Variants in AKAP6 observed in about 807,000 individuals in gnomAD.
AKAP6 encodes A-kinase anchor protein 6.
A neutral mutation model predicts 188.5 loss-of-function variants in AKAP6; 58 were observed. The ratio of observed to expected loss-of-function variants is 0.31; its 90% CI spans 0.25 to 0.38. AKAP6 has a LOEUF of 0.38. AKAP6 is among the 10% of genes least tolerant of loss of function. The pLI is 1.00. For synonymous variants in AKAP6, 989 were observed against 998.6 expected (o/e 0.99, Z 0.18); for missense variants, 2,710 against 2,740.0 (o/e 0.99, Z 0.24).
intron 2 of AKAP6, among the ~76,000 whole-genome samples, chr14:32,459,101 G>A (rs1891239321): frequency 6.6e-6 from 1 of 152,140 alleles, no homozygotes; most frequent in South Asian, 2.1e-4. Context: ...AAAGCATTAT[G>A]CTACATGAAA....
At chr14:32,407,405 G>T (rs1594584235) in intron 1 of AKAP6, among the ~76,000 whole-genome samples, 1 of 152,186 alleles carries the variant, frequency 6.6e-6, no homozygotes, top group Non-Finnish European at 1.5e-5. Flanking sequence ...GCTCGGCTAT[G>T]TGTGAGGAGA....
chr14:32,386,516 G>T (rs1454423975), intron 1 of AKAP6, among the ~76,000 whole-genome samples: 1 of 152,096 alleles, frequency 6.6e-6, no homozygotes, highest in African/African-American at 2.4e-5. Context: ...TCCACAGTCA[G>T]ATGTACAGAT....
At chr14:32,811,241 G>GAAAAAAAAAAA (rs529886144) in intron 12 of AKAP6, among the ~76,000 whole-genome samples, 1 of 55,602 alleles carries the variant, frequency 1.8e-5, no homozygotes, top group Non-Finnish European at 3.8e-5. Flanking sequence ...TCCGTCTCAG[G>GAAAAAAAAAAA]AAAAAAAAAA....
intron 1 of AKAP6, among the ~76,000 whole-genome samples, chr14:32,348,034 G>A (rs1433297317): frequency 6.6e-6 from 1 of 152,198 alleles, no homozygotes; most frequent in Non-Finnish European, 1.5e-5. Context: ...GACCCTGAAG[G>A]CCATGACCCA....
intron 12 of AKAP6, among the ~76,000 whole-genome samples, chr14:32,785,463 T>C: frequency 6.6e-6 from 1 of 152,152 alleles, no homozygotes; most frequent in Non-Finnish European, 1.5e-5. Flanking sequence ...ATATGATCAT[T>C]CAATGTTTTT....
chr14:32,755,473 T>C (rs1229990616), intron 11 of AKAP6, among the ~76,000 whole-genome samples: 1 of 151,754 alleles, frequency 6.6e-6, no homozygotes, highest in Non-Finnish European at 1.5e-5. Flanking sequence ...TGTTTAGTTG[T>C]TTATTTGTGT....
At chr14:32,637,319 G>A (rs1187665271) in intron 7 of AKAP6, among the ~76,000 whole-genome samples, 2 of 152,074 alleles carry the variant, frequency 1.3e-5, no homozygotes, top group Non-Finnish European at 2.9e-5. Flanking sequence ...TATATTCTGA[G>A]ATAGGTAATT....
At chr14:32,810,254 G>T (rs1566727504) in intron 12 of AKAP6, among the ~76,000 whole-genome samples, 1 of 147,814 alleles carries the variant, frequency 6.8e-6, no homozygotes, top group African/African-American at 2.5e-5. Flanking sequence ...CCTAATGCTC[G>T]TTTTTTTTTT....
chr14:32,685,852 G>A (rs752429467), intron 8 of AKAP6, among the ~76,000 whole-genome samples: 6 of 151,854 alleles, frequency 4.0e-5, no homozygotes, highest in Non-Finnish European at 7.4e-5. Flanking sequence ...ATCTAAATTC[G>A]TACAACCACT....
intron 6 of AKAP6, among the ~76,000 whole-genome samples, chr14:32,600,254 A>G (rs937217094): frequency 8.5e-5 from 13 of 152,156 alleles, no homozygotes; most frequent in Middle Eastern, 3.2e-3. Context: ...ATTTCCATAG[A>G]CAATTTTTAT....
At chr14:32,736,140 A>G (rs1479758129) in intron 11 of AKAP6, among the ~76,000 whole-genome samples, 2 of 152,076 alleles carry the variant, frequency 1.3e-5, no homozygotes, top group Non-Finnish European at 2.9e-5. Flanking sequence ...TTGAGGGAGG[A>G]CTTTGATGAG....
At chr14:32,388,205 T>C (rs1234184639) in intron 1 of AKAP6, among the ~76,000 whole-genome samples, 2 of 152,142 alleles carry the variant, frequency 1.3e-5, no homozygotes, top group South Asian at 2.1e-4. Flanking sequence ...CCCATTTTAT[T>C]TCTTATTGAG....
At chr14:32,362,492 T>C (rs1887696498) in intron 1 of AKAP6, among the ~76,000 whole-genome samples, 1 of 152,124 alleles carries the variant, frequency 6.6e-6, no homozygotes, top group Admixed American at 6.5e-5. Context: ...TCCCAAATAG[T>C]AGTTTTCCAG....
chr14:32,474,445 A>G (rs1878950837), intron 2 of AKAP6: 1 of 152,234 alleles, frequency 6.6e-6, no homozygotes, highest in Non-Finnish European at 1.5e-5. Flanking sequence ...AAGGCAATTG[A>G]ATGGTAGTCT....
At chr14:32,459,818 C>T (rs1891264833) in intron 2 of AKAP6, among the ~76,000 whole-genome samples, 1 of 150,872 alleles carries the variant, frequency 6.6e-6, no homozygotes, top group African/African-American at 2.4e-5. Context: ...AGGGTTTAGC[C>T]ACATAGAACT....
chr14:32,348,417 C>CTT (rs71115063), intron 1 of AKAP6, among the ~76,000 whole-genome samples: 61,220 of 125,796 alleles, frequency 0.49, 15,317 homozygotes, highest in Middle Eastern at 0.66. Context: ...TCTTTTGTTT[C>CTT]TTTTTTTTTT....
chr14:32,781,707 T>C (rs557778015), intron 12 of AKAP6, among the ~76,000 whole-genome samples: 3 of 152,164 alleles, frequency 2.0e-5, no homozygotes, highest in Non-Finnish European at 4.4e-5. Flanking sequence ...AACTACATCA[T>C]GATATTGTGA....
intron 8 of AKAP6, among the ~76,000 whole-genome samples, chr14:32,685,807 G>A (rs1315658567): frequency 6.6e-6 from 1 of 151,280 alleles, no homozygotes; most frequent in Non-Finnish European, 1.5e-5. Flanking sequence ...TGGCGAGGAT[G>A]TAAAGCAAAG....
intron 2 of AKAP6, among the ~76,000 whole-genome samples, chr14:32,517,295 A>C (rs1234928150): frequency 6.6e-6 from 1 of 152,232 alleles, no homozygotes; most frequent in African/African-American, 2.4e-5. Flanking sequence ...AAAATGATAG[A>C]ATATCATCAT....
Sources: gnomAD v4.1 joint callset for allele counts (sites outside exome capture counted in the v4.1 genomes callset) on GRCh38, gnomAD v4.1.1 for gene constraint, MANE v1.5 for transcripts, NCBI Gene and HGNC (gene_info 2026-07-23, HGNC 2026-07-21) for gene names.